ADAM12: variants seen among roughly 807,000 people sequenced by gnomAD.
ADAM12 encodes the protein ADAM metallopeptidase domain 12.
Under a neutral mutation model 106.4 loss-of-function variants are expected in ADAM12, and 70 were observed. The ratio of observed to expected loss-of-function variants is 0.66; its 90% confidence interval spans 0.54 to 0.80. The LOEUF (loss-of-function observed/expected upper bound fraction) is 0.80, where lower values mean the gene tolerates loss of function less well. Ranked by LOEUF, ADAM12 falls within the 30% of genes least tolerant of loss-of-function variation. The probability of loss-of-function intolerance (pLI) is 0.00; values close to 1 mark genes in which losing one functional copy is unlikely to be tolerated. For synonymous variants in ADAM12, 420 were observed against 433.5 expected, an observed-to-expected ratio of 0.97 and a Z score of 0.39; for missense variants, 1,010 against 1,171.9, an observed-to-expected ratio of 0.86 and a Z score of 2.02.
At chr10:126,291,273 A>T (rs1225100666) in intron 2 of ADAM12, among the ~76,000 whole-genome samples, 1 of 152,210 alleles carries the variant, frequency 6.6e-6, no homozygotes, top group East Asian at 1.9e-4. Flanking sequence ...TATGTTGACT[A>T]AAATCCATTT....
At chr10:126,308,544 A>G (rs1960945417) in intron 2 of ADAM12, among the ~76,000 whole-genome samples, 1 of 152,206 alleles carries the variant, frequency 6.6e-6, no homozygotes, top group South Asian at 2.1e-4. Flanking sequence ...TGCTTTTACT[A>G]TTGACTGACT....
chr10:126,056,138 G>A (rs1427979008), intron 14 of ADAM12, among the ~76,000 whole-genome samples: 1 of 152,200 alleles, frequency 6.6e-6, no homozygotes, highest in African/African-American at 2.4e-5. Flanking sequence ...TTAACTTTCT[G>A]TCTACCTCCA....
intron 21 of ADAM12, among the ~76,000 whole-genome samples, chr10:126,030,284 C>T (rs1326631541): frequency 6.6e-6 from 1 of 152,144 alleles, no homozygotes; most frequent in East Asian, 1.9e-4. Context: ...TCACTGTACT[C>T]TTCTCTCCAA....
chr10:126,338,890 T>C (rs1426402240), intron 1 of ADAM12, among the ~76,000 whole-genome samples: 1 of 152,194 alleles, frequency 6.6e-6, no homozygotes. Context: ...TTAAGTCCTG[T>C]AAACTTATTA....
chr10:126,125,162 A>T (rs977192258), intron 5 of ADAM12, among the ~76,000 whole-genome samples: 1 of 151,356 alleles, frequency 6.6e-6, no homozygotes, highest in Non-Finnish European at 1.5e-5. Context: ...AAAACTCTGG[A>T]CCTATCAGCA....
chr10:126,174,253 T>TGAG lies in ADAM12; in HGVS notation c.261-18951_261-18949dup, dbSNP rs567441505. On this transcript the variant is annotated intron_variant, in intron 3 of 22. Coordinates refer to ENST00000448723, the MANE Select transcript of ADAM12 (RefSeq NM_001288973.2). ...CACAGAGTGTTTTTGCTAAACCATC[T>TGAG]GAGGATAAGTGATATACACCATGGC... Among the ~76,000 whole-genome samples the TGAG allele has an allele frequency of 7.7e-4, 116 of 151,590 alleles. 1 individual carries two copies. Among genetic ancestry groups the TGAG allele is most frequent in the African/African-American group, 2.5e-3 (104 of 41,368 alleles).
At chr10:126,381,987 AC>A (rs1856510971) in intron 1 of ADAM12, among the ~76,000 whole-genome samples, 1 of 146,952 alleles carries the variant, frequency 6.8e-6, no homozygotes, top group Non-Finnish European at 1.5e-5. Flanking sequence ...AAAAAAAAAA[AC>A]AATAATAATA....
At chr10:126,297,269 A>G (rs1960423124) in intron 2 of ADAM12, among the ~76,000 whole-genome samples, 1 of 152,214 alleles carries the variant, frequency 6.6e-6, no homozygotes, top group Non-Finnish European at 1.5e-5. Context: ...TTAAAAATGA[A>G]AAAACATAAG....
intron 3 of ADAM12, among the ~76,000 whole-genome samples, chr10:126,169,552 T>G (rs533239777): frequency 6.6e-6 from 1 of 152,274 alleles, no homozygotes; most frequent in South Asian, 2.1e-4. Context: ...ATTGACTTGC[T>G]GCTATTTTAG....
At chr10:126,306,492 T>C (rs1960849747) in intron 2 of ADAM12, among the ~76,000 whole-genome samples, 1 of 152,204 alleles carries the variant, frequency 6.6e-6, no homozygotes, top group African/African-American at 2.4e-5. Context: ...TATAGTTCTA[T>C]GCTTCTATCT....
In ADAM12 at chr10:126,049,153, T is replaced by G. The variant is rs150233529; in HGVS notation, c.1917+100A>C. 2.6e-3 allele frequency: 3,788 copies of G among 1,479,738 alleles called. 12 individuals carry two copies. The highest frequency in any genetic ancestry group is 3.1e-3 in the Non-Finnish European group (3,310 of 1,076,474). 91.7% of individuals were successfully genotyped at this position (1,479,738 alleles called of 1,614,324 possible). A position where few individuals can be genotyped will look rare whatever the true frequency, so the allele number is the denominator to read the frequency against. ...TAGGTGCATCTGAGAAGAAGTAGAT[T>G]TAGGAAAACCAACAAACCTTGTAAC... On this transcript the variant is annotated intron_variant, in intron 16 of 22. Coordinates refer to ENST00000448723, the MANE Select transcript of ADAM12 (RefSeq NM_001288973.2). The surrounding 1 kb of genome is among the most constrained non-coding windows in gnomAD (Gnocchi z 4.4).
chr10:126,061,461 C>T (rs1027112616), intron 14 of ADAM12, among the ~76,000 whole-genome samples: 1 of 152,196 alleles, frequency 6.6e-6, no homozygotes, highest in Non-Finnish European at 1.5e-5. Flanking sequence ...GGCCCACATC[C>T]TTGTCTAAAA....
chr10:126,033,480 T>C (rs1483818015), intron 21 of ADAM12, among the ~76,000 whole-genome samples: 1 of 151,946 alleles, frequency 6.6e-6, no homozygotes, highest in East Asian at 1.9e-4. Flanking sequence ...GTGGTGTGTT[T>C]GTGTGTGTGT....
chr10:126,245,638 A>G (rs1958614339), intron 3 of ADAM12, among the ~76,000 whole-genome samples: 1 of 152,296 alleles, frequency 6.6e-6, no homozygotes, highest in South Asian at 2.1e-4. Flanking sequence ...ACCCACACTT[A>G]GGAGGAAGGA....
intron 1 of ADAM12, among the ~76,000 whole-genome samples, chr10:126,353,492 T>C (rs1421427594): frequency 1.3e-5 from 2 of 152,182 alleles, no homozygotes; most frequent in Non-Finnish European, 2.9e-5. Flanking sequence ...AGTAACAGCA[T>C]TCAAGGTTCA....
At chr10:126,201,975 C>G (rs1310710528) in intron 3 of ADAM12, among the ~76,000 whole-genome samples, 3 of 152,194 alleles carry the variant, frequency 2.0e-5, no homozygotes, top group Non-Finnish European at 4.4e-5. Context: ...AATGGGCGGG[C>G]CTTCTTTTTG....
intron 3 of ADAM12, among the ~76,000 whole-genome samples, chr10:126,220,201 A>G (rs747456326): frequency 3.3e-5 from 5 of 152,182 alleles, no homozygotes; most frequent in Non-Finnish European, 5.9e-5. Context: ...GGCTTAGTTA[A>G]CTCTCTGAAG....
At chr10:126,285,449 A>G (rs2133767685) in intron 2 of ADAM12, among the ~76,000 whole-genome samples, 1 of 152,332 alleles carries the variant, frequency 6.6e-6, no homozygotes, top group African/African-American at 2.4e-5. Context: ...GTGCATGAAC[A>G]CTTGCTTTTG....
chr10:126,279,151 A>G (rs1959430002), intron 2 of ADAM12, among the ~76,000 whole-genome samples, 163 bp from the exon 3 acceptor site: 1 of 152,206 alleles, frequency 6.6e-6, no homozygotes, highest in South Asian at 2.1e-4. Context: ...AAGGTTTCTT[A>G]GCAGCTTAAA....
Sources: allele counts gnomAD v4.1 joint callset (sites outside exome capture counted in the v4.1 genomes callset), GRCh38; gene constraint gnomAD v4.1.1; non-coding constraint Gnocchi (gnomAD v3.1); transcripts MANE v1.5; gene names NCBI Gene and HGNC (gene_info 2026-07-23, HGNC 2026-07-21).